STAG1: variants seen among roughly 807,000 people sequenced by gnomAD.
The protein encoded by STAG1 is STAG1 cohesin complex component.
STAG1 carries 26 observed loss-of-function variants against 170.9 expected under a neutral mutation model. The ratio of observed to expected loss-of-function variants is 0.15; its 90% CI spans 0.11 to 0.21. STAG1 has a LOEUF of 0.21. STAG1 is among the 10% of genes least tolerant of loss of function. The pLI is 1.00. For missense variants in STAG1, 964 were observed against 1,509.5 expected (o/e 0.64, Z 5.99); for synonymous variants, 514 against 497.7 (o/e 1.03, Z -0.44).
chr3:136,703,250 G>A (rs1292478492), intron 1 of STAG1, among the ~76,000 whole-genome samples: 2 of 152,094 alleles, frequency 1.3e-5, no homozygotes, highest in Non-Finnish European at 2.9e-5. Context: ...GAGTGGGCAG[G>A]ATGAAGAAAG....
intron 23 of STAG1, among the ~76,000 whole-genome samples, chr3:136,373,534 T>C (rs1937461523): frequency 1.3e-5 from 2 of 152,148 alleles, no homozygotes; most frequent in Non-Finnish European, 2.9e-5. Flanking sequence ...GTCCCAGAGA[T>C]TCTGGTATGT....
intron 5 of STAG1, 116 bp from the exon 6 acceptor site, chr3:136,542,311 A>G (rs985210026): frequency 7.2e-6 from 5 of 695,012 alleles, no homozygotes; most frequent in East Asian, 2.7e-5. Flanking sequence ...CTTCCAACAT[A>G]TATTTTATAT....
chr3:136,495,569 A>T (rs993885262), intron 9 of STAG1, among the ~76,000 whole-genome samples: 1 of 152,170 alleles, frequency 6.6e-6, no homozygotes. Context: ...ACGGTGGCTC[A>T]TGTCTGTAAT....
rs114939561 is a variant in STAG1 at position 136,663,505 on chromosome 3, T to C, written c.-83-32524A>G. On this transcript the variant is annotated intron_variant, in intron 1 of 33. Coordinates refer to ENST00000383202, the MANE Select transcript of STAG1 (RefSeq NM_005862.3). ...TGACCCAATCAGTTAGCACCAGAGA[T>C]AAGGGGAATGAAAGATTTTACAGGT... Among the ~76,000 whole-genome samples, 1,161 of 152,220 alleles carry C rather than the reference T, an allele frequency of 7.6e-3. 18 individuals carry two copies. The highest frequency in any genetic ancestry group is 0.027 in the African/African-American group (1,107 of 41,556).
At chr3:136,520,333 A>G (rs1169566648) in intron 7 of STAG1, among the ~76,000 whole-genome samples, 2 of 152,140 alleles carry the variant, frequency 1.3e-5, no homozygotes, top group East Asian at 1.9e-4. Context: ...TAAAATTTAA[A>G]TGCAAAATGA....
chr3:136,560,867 A>G (rs1278571238), intron 5 of STAG1, among the ~76,000 whole-genome samples: 1 of 152,192 alleles, frequency 6.6e-6, no homozygotes, highest in Non-Finnish European at 1.5e-5. Context: ...ACTCATGAGA[A>G]GATGTTTCAC....
chr3:136,342,698 T>C (rs911474609), intron 30 of STAG1, among the ~76,000 whole-genome samples: 1 of 152,224 alleles, frequency 6.6e-6, no homozygotes, highest in Non-Finnish European at 1.5e-5. Context: ...AACTGTCACA[T>C]GAAGTTGTCT....
chr3:136,346,326 A>G (rs1434881273), intron 29 of STAG1, among the ~76,000 whole-genome samples: 1 of 152,274 alleles, frequency 6.6e-6, no homozygotes, highest in Admixed American at 6.5e-5. Flanking sequence ...CATCTTAAAT[A>G]GAAATAGATA....
intron 1 of STAG1, among the ~76,000 whole-genome samples, chr3:136,740,022 T>G (rs1042219689): frequency 1.3e-5 from 2 of 152,202 alleles, no homozygotes; most frequent in African/African-American, 4.8e-5. Flanking sequence ...CATCTTACTC[T>G]GCGTTTGCTT....
chr3:136,569,412 A>C (rs1418654036), intron 4 of STAG1, among the ~76,000 whole-genome samples: 1 of 129,470 alleles, frequency 7.7e-6, no homozygotes, highest in East Asian at 2.1e-4. Flanking sequence ...TAGCCAATCC[A>C]AAAAAAAAAA....
rs1935797660 is a variant in STAG1, at chr3:136,539,644, G to A, written c.471+2475C>T. Among the ~76,000 whole-genome samples the A allele has an allele frequency of 2.0e-5, 3 of 152,198 alleles. No homozygotes were observed. The South Asian group carries it at 6.2e-4, about 31-fold the overall frequency. On this transcript the variant is annotated intron_variant, in intron 6 of 33. Transcript: ENST00000383202. ...TATCAATTTGCTTTAGCTTTCTACAGCTAGCTCTATCAAGAGCGAAGTGTA... is the reference window on the plus strand; with the variant it reads ...TATCAATTTGCTTTAGCTTTCTACAACTAGCTCTATCAAGAGCGAAGTGTA...
At chr3:136,609,131 A>G (rs575899701) in intron 3 of STAG1, 1 of 153,994 alleles carries the variant, frequency 6.5e-6, no homozygotes, top group Non-Finnish European at 1.5e-5. Context: ...CATGGTTGTC[A>G]GCTAAACCTG....
At position 136,346,110 on chromosome 3, in the gene STAG1, A is replaced by C. The variant is rs116175120; in HGVS notation, c.3272-2104T>G. ...CCAGAAAATCTTCCTGTATTCATTAAAAGTTTGGTCACTGTCTATATGTTC... is the reference window on the plus strand; with the variant it reads ...CCAGAAAATCTTCCTGTATTCATTACAAGTTTGGTCACTGTCTATATGTTC... On this transcript the variant is annotated intron_variant, in intron 29 of 33. Coordinates refer to ENST00000383202, the MANE Select transcript of STAG1 (RefSeq NM_005862.3). Among the ~76,000 whole-genome samples the C allele has an allele frequency of 3.9e-3, 596 of 152,320 alleles. 2 individuals carry two copies. The highest frequency in any genetic ancestry group is 6.3e-3 in the Non-Finnish European group (428 of 68,030).
chr3:136,485,334 G>A (rs527484796), intron 9 of STAG1, among the ~76,000 whole-genome samples: 1 of 152,180 alleles, frequency 6.6e-6, no homozygotes, highest in East Asian at 1.9e-4. Context: ...GTGGGCACCT[G>A]TAGTCCCAGC....
At chr3:136,537,163 G>A (rs911342123) in intron 6 of STAG1, among the ~76,000 whole-genome samples, 1 of 151,846 alleles carries the variant, frequency 6.6e-6, no homozygotes, top group Non-Finnish European at 1.5e-5. Context: ...TCTCATCTTG[G>A]AGCAGTTTCC....
At chr3:136,374,042 A>G (rs1158392837) in intron 23 of STAG1, among the ~76,000 whole-genome samples, 1 of 152,182 alleles carries the variant, frequency 6.6e-6, no homozygotes, top group East Asian at 1.9e-4. Flanking sequence ...GGGTGCATAT[A>G]TATTTAGGAT....
intron 21 of STAG1, among the ~76,000 whole-genome samples, chr3:136,407,378 T>C (rs1023425091): frequency 1.6e-4 from 25 of 152,356 alleles, no homozygotes; most frequent in African/African-American, 6.0e-4. Flanking sequence ...CATACTTTGT[T>C]AGATTTATAC....
intron 1 of STAG1, among the ~76,000 whole-genome samples, chr3:136,662,958 G>A (rs974466910): frequency 3.3e-5 from 5 of 152,118 alleles, no homozygotes; most frequent in Admixed American, 2.6e-4. Context: ...GGCTGAGGCA[G>A]GAGAATCGCT....
chr3:136,752,254 G>C lies in STAG1; in HGVS notation c.-143C>G, dbSNP rs980750545. On this transcript the variant is annotated 5_prime_UTR_variant, in exon 1 of 34. Transcript: ENST00000383202. Reference sequence around the variant, plus strand: ...CCTAGTTTCCCCCCAAAAGTCTCCGGTGTGTTATTCCCGATGTGGGGGGGT... The same window carrying C: ...CCTAGTTTCCCCCCAAAAGTCTCCGCTGTGTTATTCCCGATGTGGGGGGGT... 6.5e-6 allele frequency: 1 copy of C among 152,918 alleles called. No individual in the cohort carries two copies. Among genetic ancestry groups the C allele is most frequent in the African/African-American group, 2.4e-5 (1 of 41,456 alleles). 9.5% of individuals were successfully genotyped at this position (152,918 alleles called of 1,614,324 possible).
Sources: allele counts gnomAD v4.1 joint callset (sites outside exome capture counted in the v4.1 genomes callset), GRCh38; gene constraint gnomAD v4.1.1; transcripts MANE v1.5; gene names NCBI Gene and HGNC (gene_info 2026-07-23, HGNC 2026-07-21).